The following TNRC18 variants were observed in gnomAD, a reference collection of about 807,000 sequenced individuals.
TNRC18 encodes trinucleotide repeat-containing gene 18 protein.
TNRC18 carries 69 observed loss-of-function variants against 226.7 expected under a neutral mutation model. The ratio of observed to expected loss-of-function variants is 0.30; its 90% CI spans 0.25 to 0.37. The LOEUF (loss-of-function observed/expected upper bound fraction) is 0.37, where lower values mean the gene tolerates loss of function less well. Ranked by LOEUF, TNRC18 falls within the 10% of genes least tolerant of loss-of-function variation. The probability of loss-of-function intolerance (pLI) is 1.00; values close to 1 mark genes in which losing one functional copy is unlikely to be tolerated. For missense variants in TNRC18, 4,754 were observed against 4,256.6 expected, an observed-to-expected ratio of 1.12 and a Z score of -3.25; for synonymous variants, 2,449 against 1,927.6, an observed-to-expected ratio of 1.27 and a Z score of -7.09.
intron 15 of TNRC18, 118 bp from the exon 16 acceptor site, chr7:5,357,394 T>A (rs908233975): frequency 5.6e-5 from 63 of 1,118,216 alleles, no homozygotes; most frequent in Non-Finnish European, 7.5e-5. Context: ...GTGATTTAAC[T>A]CCTCTTAGCA....
chr7:5,371,154 C>A lies in TNRC18; in HGVS notation c.3440G>T (p.Gly1147Val). The change falls in exon 11 of 30, where the codon GGC becomes GTC. Residue 1147 changes from glycine (G) to valine (V), a missense_variant. Transcript: ENST00000430969. ...CTCAGCCAGCGGTTCTTCCTCCGGGCCCTCCCGCAGCGGCTCTGTGATCTT... is the reference window on the plus strand; with the variant it reads ...CTCAGCCAGCGGTTCTTCCTCCGGGACCTCCCGCAGCGGCTCTGTGATCTT... ...PSKITEPLRE[G>V]PEEEPLAERE... is the part of the protein sequence containing the mutation. 6.2e-7 allele frequency: 1 copy of A among 1,609,238 alleles called. No homozygotes were observed. The highest frequency in any genetic ancestry group is 2.2e-5 in the East Asian group (1 of 44,752).
intron 11 of TNRC18, among the ~76,000 whole-genome samples, chr7:5,365,483 T>G (rs1396382317): frequency 6.6e-6 from 1 of 151,966 alleles, no homozygotes. Flanking sequence ...GCCTCACCAG[T>G]GTGATGAATA....
chr7:5,388,828 G>C lies in TNRC18; in HGVS notation c.996C>G (p.Pro332=). 2 of 1,191,954 alleles carry C rather than the reference G, an allele frequency of 1.7e-6. No individual in the cohort carries two copies. The highest frequency in any genetic ancestry group is 2.8e-5 in the South Asian group (1 of 35,536). The allele number at this position is 1,191,954 out of a possible 1,614,324, so 73.8% of individuals were successfully genotyped here. A position where few individuals can be genotyped will look rare whatever the true frequency, so the allele number is the denominator to read the frequency against. ...ETLLPGPRPC[P]SPLPPPPAPP... ...GCGCGGGCGGCGGGGGCAGCGGTGA[G>C]GGGCAGGGGCGCGGCCCAGGGAGCA... Residue 332 remains proline, a synonymous_variant, in exon 5 of 30, where the codon CCC becomes CCG. Coordinates refer to ENST00000430969, the MANE Select transcript of TNRC18 (RefSeq NM_001080495.3).
chr7:5,338,668 C>G lies in TNRC18; in HGVS notation c.5720-5619G>C, dbSNP rs187907122. On this transcript the variant is annotated intron_variant, in intron 18 of 29. Coordinates refer to ENST00000430969, the MANE Select transcript of TNRC18 (RefSeq NM_001080495.3). ...CGGCACAGTAGCTCACGCCTGTAAT[C>G]CCAGCATTTTGGGAGGCCAAGGCAG... 4.0e-5 allele frequency among the ~76,000 whole-genome samples: 6 copies of G among 150,580 alleles called. No homozygotes were observed. In the East Asian group the frequency reaches 1.2e-3, roughly 29 times the overall value.
intron 2 of TNRC18, among the ~76,000 whole-genome samples, chr7:5,404,932 G>A (rs953979205): frequency 1.3e-5 from 2 of 151,926 alleles, no homozygotes; most frequent in East Asian, 1.9e-4. Flanking sequence ...TGGACAACAC[G>A]GTGAAACCCA....
chr7:5,336,567 C>G (rs1449032143), intron 18 of TNRC18, among the ~76,000 whole-genome samples: 4 of 139,246 alleles, frequency 2.9e-5, no homozygotes, highest in African/African-American at 9.8e-5. Context: ...CATAGCAAGA[C>G]TCTGTCTCTA....
At chr7:5,420,230 C>T in intron 2 of TNRC18, 1 of 363,202 alleles carries the variant, frequency 2.8e-6, no homozygotes, top group Non-Finnish European at 5.5e-6. Context: ...ATGGTGGAGG[C>T]CGCGGGACCT....
intron 12 of TNRC18, 42 bp downstream of exon 12, chr7:5,362,608 C>T (rs1279350546): frequency 6.7e-7 from 1 of 1,486,736 alleles, no homozygotes; most frequent in South Asian, 1.4e-5. Flanking sequence ...TCCCACCCAG[C>T]CTCCCCCGCG....
At chr7:5,405,762 T>G (rs555109318) in intron 2 of TNRC18, among the ~76,000 whole-genome samples, 2 of 151,596 alleles carry the variant, frequency 1.3e-5, no homozygotes, top group East Asian at 3.9e-4. Context: ...AAAATAAAAA[T>G]AAAAAGTATA....
intron 29 of TNRC18, 112 bp from the exon 30 acceptor site, chr7:5,308,424 C>CAGAG: frequency 1.0e-6 from 1 of 994,428 alleles, no homozygotes; most frequent in South Asian, 1.5e-5. Context: ...GGGACTGAGA[C>CAGAG]AGAGACCAAG....
intron 2 of TNRC18, among the ~76,000 whole-genome samples, chr7:5,419,084 G>A (rs1428629764): frequency 2.0e-5 from 3 of 152,234 alleles, no homozygotes; most frequent in African/African-American, 4.8e-5. Context: ...GAGCGCAGAA[G>A]GTGCGCAGAG....
In TNRC18 at chr7:5,402,111, G is replaced by A. The variant is rs552617056; in HGVS notation, c.188-7516C>T. On this transcript the variant is annotated intron_variant, in intron 2 of 29. Transcript: ENST00000430969. Reference sequence around the variant, plus strand: ...GGAGAACGGCATGAACCCGGGAGGCGGAGCATGCCGTGAGCTGAGATCATG... The same window carrying A: ...GGAGAACGGCATGAACCCGGGAGGCAGAGCATGCCGTGAGCTGAGATCATG... Among the ~76,000 whole-genome samples, 8 of 150,642 alleles carry A rather than the reference G, an allele frequency of 5.3e-5. No individual in the cohort carries two copies. In the South Asian group the frequency reaches 6.3e-4, roughly 12 times the overall value.
Position 5,376,037 on chromosome 7 carries a change from G to T in TNRC18, c.2796C>A (p.Leu932=). The change falls in exon 9 of 30, where the codon CTC becomes CTA. Residue 932 remains leucine, a synonymous_variant. Transcript: ENST00000430969. ...QALELQRSAQ[L]VQERLKAQEH... is the part of the protein sequence containing the mutation. The stretch of plus-strand genomic sequence containing the variant: ...CGCCTCATCCTCCCCGACTTACCAC[G>T]AGCTGGGCGCTCCTCTGCAGTTCCA... The T allele has an allele frequency of 1.3e-6, 2 of 1,591,574 alleles. No homozygotes were observed. Among genetic ancestry groups the T allele is most frequent in the Non-Finnish European group, 1.7e-6 (2 of 1,170,688 alleles).
At chr7:5,382,552 G>A (rs376441865) in intron 5 of TNRC18, among the ~76,000 whole-genome samples, 1 of 152,090 alleles carries the variant, frequency 6.6e-6, no homozygotes, top group Admixed American at 6.6e-5. Flanking sequence ...AAGCGGATCG[G>A]GGGGGAGTGA....
intron 21 of TNRC18, among the ~76,000 whole-genome samples, chr7:5,323,270 C>T (rs1005001368): frequency 4.6e-5 from 7 of 152,064 alleles, no homozygotes; most frequent in Admixed American, 3.3e-4. Flanking sequence ...GCGTGACTTC[C>T]CGATTGAGTC....
rs1170927111 is a variant in TNRC18, at chr7:5,410,082, G to A, written c.187+10978C>T. On this transcript the variant is annotated intron_variant, in intron 2 of 29. Transcript: ENST00000430969. ...TCCCAGCATTTTGGAAGGCTGAAGC[G>A]GGCAGATCACTTGAGGCTAGGAGTT... Among the ~76,000 whole-genome samples, 3 of 151,426 alleles carry A rather than the reference G, an allele frequency of 2.0e-5. No homozygotes were observed. The East Asian group carries it at 5.8e-4, about 29-fold the overall frequency.
At chr7:5,399,208 G>T (rs1173865211) in intron 2 of TNRC18, among the ~76,000 whole-genome samples, 2 of 152,052 alleles carry the variant, frequency 1.3e-5, no homozygotes, top group Non-Finnish European at 2.9e-5. Flanking sequence ...AGGGTGCCAG[G>T]GGGCACTGAG....
chr7:5,392,783 C>T (rs571194006), intron 3 of TNRC18, among the ~76,000 whole-genome samples: 14 of 152,198 alleles, frequency 9.2e-5, no homozygotes, highest in Admixed American at 4.6e-4. Flanking sequence ...CAAGGTGGGA[C>T]GATCGCTTGA....
intron 18 of TNRC18, among the ~76,000 whole-genome samples, chr7:5,334,801 A>G (rs1176968897): frequency 6.6e-6 from 1 of 152,152 alleles, no homozygotes; most frequent in Non-Finnish European, 1.5e-5. Flanking sequence ...AGGGAGGGAC[A>G]GTAGACAGAG....
Sources: allele counts gnomAD v4.1 joint callset (sites outside exome capture counted in the v4.1 genomes callset), GRCh38; gene constraint gnomAD v4.1.1; transcripts MANE v1.5; gene names NCBI Gene and HGNC (gene_info 2026-07-23, HGNC 2026-07-21).